ALPK2: variants seen among roughly 807,000 people sequenced by gnomAD.
The protein encoded by ALPK2 is alpha kinase 2.
ALPK2 carries 127 observed loss-of-function variants against 163.1 expected under a neutral mutation model. That is an observed-to-expected ratio of 0.78 (90% CI 0.67 to 0.90). The LOEUF (loss-of-function observed/expected upper bound fraction) is 0.90. Among genes scored for constraint, ALPK2 ranks in the 40% least tolerant of loss-of-function variants. The pLI is 0.00. For missense variants in ALPK2, 2,360 were observed against 2,589.6 expected (o/e 0.91, Z 1.92); for synonymous variants, 953 against 959.1 (o/e 0.99, Z 0.12).
rs1348591932 is a variant in ALPK2 at position 58,492,220 on chromosome 18, GCA to G, written c.6296+5827_6296+5828del. 4.0e-5 allele frequency among the ~76,000 whole-genome samples: 6 copies of G among 151,616 alleles called. No homozygotes were observed. The East Asian group carries it at 7.7e-4, about 20-fold the overall frequency. On this transcript the variant is annotated intron_variant, in intron 12 of 12. Coordinates refer to ENST00000361673, the MANE Select transcript of ALPK2 (RefSeq NM_052947.4). Reference sequence around the variant, plus strand: ...CACAGATATACACACAGACACACATGCACACACATACACAGGGACACAGACAC... The same window carrying G: ...CACAGATATACACACAGACACACATGCACACATACACAGGGACACAGACAC...
chr18:58,587,090 G>A lies in ALPK2; in HGVS notation c.228-6542C>T, dbSNP rs1422118448. Reference sequence around the variant, plus strand: ...AGAGTTGTCAATTGCCTGGCTGAGTGTGAAAGCATGCTTCATACCTCAACA... The same window carrying A: ...AGAGTTGTCAATTGCCTGGCTGAGTATGAAAGCATGCTTCATACCTCAACA... On this transcript the variant is annotated intron_variant, in intron 3 of 12. Transcript: ENST00000361673. Among the ~76,000 whole-genome samples, 5 of 152,194 alleles carry A rather than the reference G, an allele frequency of 3.3e-5. 1 individual carries two copies. Among genetic ancestry groups the A allele is most frequent in the South Asian group, 4.1e-4 (2 of 4,830 alleles).
chr18:58,580,308 G>GGGCACTC lies in ALPK2; in HGVS notation c.467_468insGAGTGCC (p.Thr157SerfsTer8). On this transcript the variant is annotated frameshift_variant, in exon 4 of 13. Coordinates refer to ENST00000361673, the MANE Select transcript of ALPK2 (RefSeq NM_052947.4). LOFTEE classifies it high-confidence loss of function. Reference sequence around the variant, plus strand: ...GGGAGGAGTCAGCTGACCTGGGAGTGCCCGGGGAGATGCTTTCTTCTTCCT... The same window carrying GGGCACTC: ...GGGAGGAGTCAGCTGACCTGGGAGTGGGCACTCCCCGGGGAGATGCTTTCTTCTTCCT... 2 of 1,614,146 alleles carry GGGCACTC rather than the reference G, an allele frequency of 1.2e-6. No homozygotes were observed. Among genetic ancestry groups the GGGCACTC allele is most frequent in the Non-Finnish European group, 1.7e-6 (2 of 1,180,014 alleles).
rs2051600298 is a variant in ALPK2 at position 58,529,306 on chromosome 18, T to G, written c.5354-68A>C. 7 of 1,422,878 alleles carry G rather than the reference T, an allele frequency of 4.9e-6. No homozygotes were observed. In the East Asian group the frequency reaches 1.6e-4, roughly 33 times the overall value. The allele number at this position is 1,422,878 out of a possible 1,614,324, so 88.1% of individuals were successfully genotyped here. ...CCCATTTCATACCATTTAATTCTCA[T>G]AACAATCCTGAGAGACAGGAATATT... On this transcript the variant is annotated intron_variant, in intron 5 of 12. Transcript: ENST00000361673.
Position 58,579,716 on chromosome 18 carries a change from CA to C in ALPK2, c.1059del (p.His353GlnfsTer5). 1 of 1,614,208 alleles carries C rather than the reference CA, an allele frequency of 6.2e-7. No individual in the cohort carries two copies. The highest frequency in any genetic ancestry group is 8.5e-7 in the Non-Finnish European group (1 of 1,180,036). ...VWQRNLLGTEHVFLLESDDEE... is the reference protein window; with the variant it reads ...VWQRNLLGTEXVFLLESDDEE... ...TCGTCATCGCTTTCTAATAAAAAAA[CA>C]TGCTCAGTCCCCAGCAGGTTCCTTT... On this transcript the variant is annotated frameshift_variant, in exon 4 of 13. Transcript: ENST00000361673. LOFTEE classifies it high-confidence loss of function.
intron 12 of ALPK2, among the ~76,000 whole-genome samples, chr18:58,495,082 G>A (rs2051394709): frequency 6.6e-6 from 1 of 152,138 alleles, no homozygotes; most frequent in African/African-American, 2.4e-5. Flanking sequence ...GTGAAGTGAG[G>A]AGGTCGGGCT....
chr18:58,579,906 C>G lies in ALPK2; in HGVS notation c.870G>C (p.Val290=). 2 of 1,614,146 alleles carry G rather than the reference C, an allele frequency of 1.2e-6. No homozygotes were observed. Among genetic ancestry groups the G allele is most frequent in the African/African-American group, 1.3e-5 (1 of 75,016 alleles). The change falls in exon 4 of 13, where the codon GTG becomes GTC. Residue 290 remains valine, a synonymous_variant. Transcript: ENST00000361673. ...TAHIYPGDSA[V]ANKQPSPQLS... is the part of the protein sequence containing the mutation. ...GCTGTGGGCTGGGTTGTTTGTTGGC[C>G]ACGGCACTGTCACCTGGGTAAATGT...
intron 3 of ALPK2, 116 bp from the exon 4 acceptor site, chr18:58,580,664 C>A: frequency 3.0e-6 from 3 of 1,008,602 alleles, no homozygotes; most frequent in Admixed American, 2.3e-5. Flanking sequence ...TCAAGGAGAT[C>A]TGTGATCTCC....
chr18:58,563,188 G>T (rs922439761), intron 4 of ALPK2, among the ~76,000 whole-genome samples: 1 of 152,118 alleles, frequency 6.6e-6, no homozygotes, highest in South Asian at 2.1e-4. Flanking sequence ...TAGAGCCCTT[G>T]GACTTTTGAG....
At chr18:58,613,457 G>A (rs2052145670) in intron 1 of ALPK2, among the ~76,000 whole-genome samples, 1 of 152,136 alleles carries the variant, frequency 6.6e-6, no homozygotes, top group Non-Finnish European at 1.5e-5. Context: ...CACTTTGGGA[G>A]GCTGAGGCGG....
chr18:58,563,290 C>T (rs528037111), intron 4 of ALPK2, among the ~76,000 whole-genome samples: 30 of 152,260 alleles, frequency 2.0e-4, no homozygotes, highest in African/African-American at 7.2e-4. Flanking sequence ...GCTGGCTTTT[C>T]GTCTCTTAAA....
chr18:58,558,660 C>A (rs138504335), intron 4 of ALPK2, among the ~76,000 whole-genome samples: 93 of 152,340 alleles, frequency 6.1e-4, no homozygotes, highest in African/African-American at 1.9e-3. Flanking sequence ...AATGGCCACA[C>A]AGTGGAAACC....
At chr18:58,566,251 G>T (rs59554315) in intron 4 of ALPK2, among the ~76,000 whole-genome samples, 1,761 of 152,292 alleles carry the variant, frequency 0.012, 28 homozygotes, top group South Asian at 0.081. Flanking sequence ...GTGGCTAATT[G>T]TGTCAGCATT....
intron 12 of ALPK2, among the ~76,000 whole-genome samples, chr18:58,497,332 C>T (rs1257332914): frequency 3.3e-5 from 5 of 152,138 alleles, no homozygotes; most frequent in South Asian, 2.1e-4. Context: ...TGGGCAAAGG[C>T]GATGGTGGTT....
Position 58,503,995 on chromosome 18 carries a change from A to T in ALPK2, c.6183T>A (p.Cys2061Ter), listed in dbSNP as rs1426807197. The change falls in exon 11 of 13, where the codon TGT becomes TGA. Residue 2061 changes from cysteine (C) to a stop codon, truncating the protein, a stop_gained. Transcript: ENST00000361673. LOFTEE classifies it high-confidence loss of function. ...GGTACACCCAGTGCTGGAAGGTGCA[A>T]CATTTCTGACCAGCTTCTGATTCTC... ...LRRESEAGQKCCTFQHWVYQK... is the reference protein window; with the variant it reads ...LRRESEAGQK The T allele has an allele frequency of 1.2e-6, 2 of 1,614,188 alleles. No individual in the cohort carries two copies. The highest frequency in any genetic ancestry group is 1.7e-6 in the Non-Finnish European group (2 of 1,180,042).
chr18:58,492,633 C>T (rs1050357887), intron 12 of ALPK2, among the ~76,000 whole-genome samples: 4 of 152,206 alleles, frequency 2.6e-5, no homozygotes, highest in African/African-American at 7.2e-5. Context: ...CTTCTCTAGA[C>T]GTTCTCTCTG....
At chr18:58,553,850 G>GTTTTTTTT (rs71173061) in intron 4 of ALPK2, among the ~76,000 whole-genome samples, 1 of 73,992 alleles carries the variant, frequency 1.4e-5, no homozygotes. Context: ...TTTTTTTTTG[G>GTTTTTTTT]TTTTTTTTTT....
At chr18:58,596,509 G>A (rs1314662593) in intron 3 of ALPK2, among the ~76,000 whole-genome samples, 1 of 152,226 alleles carries the variant, frequency 6.6e-6, no homozygotes, top group Non-Finnish European at 1.5e-5. Context: ...CGCAGGGAAT[G>A]GGAAGTGACA....
At chr18:58,491,813 G>T (rs952841611) in intron 12 of ALPK2, among the ~76,000 whole-genome samples, 19 of 152,366 alleles carry the variant, frequency 1.2e-4, no homozygotes, top group Admixed American at 7.2e-4. Flanking sequence ...TTGTGGGGCG[G>T]TTACAGGAGC....
chr18:58,534,153 T>G lies in ALPK2; in HGVS notation c.5353+681A>C, dbSNP rs542029829. On this transcript the variant is annotated intron_variant, in intron 5 of 12. Coordinates refer to ENST00000361673, the MANE Select transcript of ALPK2 (RefSeq NM_052947.4). ...AGAATTAACTGCAATTTCAGGACTT[T>G]TTTTTTTTTTTTAACAGCATCATAG... Among the ~76,000 whole-genome samples, 164 of 149,034 alleles carry G rather than the reference T, an allele frequency of 1.1e-3. 1 individual carries two copies. The highest frequency in any genetic ancestry group is 3.8e-3 in the African/African-American group (158 of 41,094).
Sources: allele counts gnomAD v4.1 joint callset (sites outside exome capture counted in the v4.1 genomes callset), GRCh38; gene constraint gnomAD v4.1.1; transcripts MANE v1.5; gene names NCBI Gene and HGNC (gene_info 2026-07-23, HGNC 2026-07-21).